ARHGAP6: variants seen among roughly 807,000 people sequenced by gnomAD.
ARHGAP6 encodes the protein rho GTPase-activating protein 6.
Under a neutral mutation model 55.7 loss-of-function variants are expected in ARHGAP6, and 16 were observed. That is an observed-to-expected ratio of 0.29 (90% CI 0.19 to 0.44). The LOEUF is 0.44. Ranked by LOEUF, ARHGAP6 falls within the 20% of genes least tolerant of loss-of-function variation. ARHGAP6 has a pLI of 1.00. For synonymous variants in ARHGAP6, 382 were observed against 360.9 expected (o/e 1.06, Z -0.66); for missense variants, 698 against 808.9 (o/e 0.86, Z 1.66).
chrX:11,532,837 G>T (rs1206453864), intron 1 of ARHGAP6, among the ~76,000 whole-genome samples: 1 of 111,379 alleles, frequency 9.0e-6, no homozygotes, highest in Non-Finnish European at 1.9e-5. Flanking sequence ...TTCCCATCTG[G>T]CCATTAACAG....
At chrX:11,519,956 GC>G (rs1483610390) in intron 1 of ARHGAP6, among the ~76,000 whole-genome samples, 2 of 93,827 alleles carry the variant, frequency 2.1e-5, no homozygotes, top group African/African-American at 8.0e-5. Flanking sequence ...AACACCAAAA[GC>G]AATGGCAACA....
chrX:11,598,086 G>A (rs2051923176), intron 1 of ARHGAP6, among the ~76,000 whole-genome samples: 1 of 111,860 alleles, frequency 8.9e-6, no homozygotes, highest in Non-Finnish European at 1.9e-5. Context: ...GAGGAAAACT[G>A]GAGAGATGTT....
chrX:11,294,746 T>A, intron 1 of ARHGAP6: 3 of 1,187,505 alleles, frequency 2.5e-6, no homozygotes, highest in Non-Finnish European at 3.4e-6. Flanking sequence ...TCAGAAGAGA[T>A]AAGAAAAGTG....
At chrX:11,176,162 C>T (rs751807406) in intron 8 of ARHGAP6, among the ~76,000 whole-genome samples, 1 of 94,133 alleles carries the variant, frequency 1.1e-5, no homozygotes, top group South Asian at 6.0e-4. Flanking sequence ...TACTTAGCTC[C>T]CCTGGCCCTA....
rs141611166 is a variant in ARHGAP6, at chrX:11,657,090, G to A, written c.588+7151C>T. On this transcript the variant is annotated intron_variant, in intron 1 of 12. Transcript: ENST00000337414. Reference sequence around the variant, plus strand: ...TGGCTTTGCTGGACTAGAGTTCCTGGGAGAAGGCAGGCTGAGATGATGTTG... The same window carrying A: ...TGGCTTTGCTGGACTAGAGTTCCTGAGAGAAGGCAGGCTGAGATGATGTTG... Among the ~76,000 whole-genome samples, 938 of 111,467 alleles carry A rather than the reference G, an allele frequency of 8.4e-3. 3 individuals carry two copies. The highest frequency in any genetic ancestry group is 0.013 in the Non-Finnish European group (704 of 53,072).
intron 1 of ARHGAP6, among the ~76,000 whole-genome samples, chrX:11,518,776 C>G: frequency 1.5e-5 from 1 of 65,680 alleles, no homozygotes; most frequent in Admixed American, 2.0e-4. Flanking sequence ...TAATGCTATC[C>G]CTCCCCCCTC....
At chrX:11,370,222 A>G (rs5935042) in intron 1 of ARHGAP6, among the ~76,000 whole-genome samples, 6,118 of 112,302 alleles carry the variant, frequency 0.054, 162 homozygotes, top group Middle Eastern at 0.12. Context: ...CTTTTTCCTA[A>G]TTGGGTATCA....
intron 1 of ARHGAP6, among the ~76,000 whole-genome samples, chrX:11,399,882 A>C (rs1603178087): frequency 8.9e-6 from 1 of 112,527 alleles, no homozygotes; most frequent in East Asian, 2.8e-4. Flanking sequence ...CATACAACGA[A>C]AGATTATTCA....
intron 1 of ARHGAP6, chrX:11,298,626 C>A: frequency 8.3e-7 from 1 of 1,211,104 alleles, no homozygotes; most frequent in Non-Finnish European, 1.1e-6. Flanking sequence ...ACAGCACCCC[C>A]CGACTCACAC....
intron 1 of ARHGAP6, among the ~76,000 whole-genome samples, chrX:11,514,340 G>C (rs2050814908): frequency 1.8e-5 from 2 of 110,306 alleles, no homozygotes; most frequent in African/African-American, 6.6e-5. Context: ...TGGGGTTACA[G>C]ATTACAGCAA....
rs60548732 is a variant in ARHGAP6 at position 11,398,262 on chromosome X, T to TAAAA, written c.589-143559_589-143556dup. On this transcript the variant is annotated intron_variant, in intron 1 of 12. Coordinates refer to ENST00000337414, the MANE Select transcript of ARHGAP6 (RefSeq NM_013427.3). ...AATAGTAAGGACTGCGTAAGTGCTA[T>TAAAA]AAAAAAAAAAAAAAAAAAAAAGAAA... Among the ~76,000 whole-genome samples, 246 of 58,793 alleles carry TAAAA rather than the reference T, an allele frequency of 4.2e-3. 2 individuals are homozygous for TAAAA. The highest frequency in any genetic ancestry group is 0.011 in the Middle Eastern group (1 of 95). The allele number at this position is 58,793 out of a possible 115,157, so 51.1% of individuals were successfully genotyped here. A position where few individuals can be genotyped will look rare whatever the true frequency, so the allele number is the denominator to read the frequency against.
intron 9 of ARHGAP6, among the ~76,000 whole-genome samples, chrX:11,166,681 CT>C (rs1279394748): frequency 8.9e-6 from 1 of 111,949 alleles, no homozygotes; most frequent in Non-Finnish European, 1.9e-5. Context: ...TTCTCCTGTG[CT>C]TTATAAAAAG....
intron 1 of ARHGAP6, among the ~76,000 whole-genome samples, chrX:11,385,872 A>G (rs1038437648): frequency 2.7e-5 from 3 of 112,408 alleles, no homozygotes; most frequent in East Asian, 5.5e-4. Flanking sequence ...TAAAGGCTTA[A>G]AAAAGGTGTT....
intron 1 of ARHGAP6, among the ~76,000 whole-genome samples, chrX:11,652,496 T>C: frequency 8.9e-6 from 1 of 112,100 alleles, no homozygotes; most frequent in Non-Finnish European, 1.9e-5. Flanking sequence ...TAACTTTCGT[T>C]TAAAATATTT....
chrX:11,441,978 T>C (rs896558559), intron 1 of ARHGAP6, among the ~76,000 whole-genome samples: 9 of 110,880 alleles, frequency 8.1e-5, no homozygotes, highest in Admixed American at 1.9e-4. Flanking sequence ...ACATATACAG[T>C]CTAAGAAACA....
chrX:11,451,350 G>A (rs1356698977), intron 1 of ARHGAP6, among the ~76,000 whole-genome samples: 1 of 111,733 alleles, frequency 8.9e-6, no homozygotes, highest in Non-Finnish European at 1.9e-5. Flanking sequence ...TAGCAACAAA[G>A]CCGGAGTATA....
intron 1 of ARHGAP6, among the ~76,000 whole-genome samples, chrX:11,524,155 G>A (rs1275039195): frequency 8.9e-6 from 1 of 112,013 alleles, no homozygotes; most frequent in African/African-American, 3.2e-5. Flanking sequence ...GGCAGAGATT[G>A]CTAACTAGTA....
At chrX:11,224,442 A>G in intron 2 of ARHGAP6, 5 of 482,431 alleles carry the variant, frequency 1.0e-5, no homozygotes, top group Non-Finnish European at 1.3e-5. Flanking sequence ...GCATGAACCC[A>G]GAGAGCGGGG....
chrX:11,306,719 A>G (rs1603051229), intron 1 of ARHGAP6, among the ~76,000 whole-genome samples: 1 of 112,540 alleles, frequency 8.9e-6, no homozygotes, highest in African/African-American at 3.2e-5. Context: ...TAAACAATCT[A>G]TAGCTATTTT....
Sources: allele counts gnomAD v4.1 joint callset (sites outside exome capture counted in the v4.1 genomes callset), GRCh38; gene constraint gnomAD v4.1.1; transcripts MANE v1.5; gene names NCBI Gene and HGNC (gene_info 2026-07-23, HGNC 2026-07-21).